Variants in SLC9A9 observed in about 807,000 individuals in gnomAD.
SLC9A9 encodes the protein sodium/hydrogen exchanger 9.
Under a neutral mutation model 77.8 loss-of-function variants are expected in SLC9A9, and 62 were observed. The observed-to-expected ratio is 0.80, with a 90% CI of 0.65 to 0.98. SLC9A9 has a LOEUF of 0.98. Among genes scored for constraint, SLC9A9 ranks in the 50% least tolerant of loss-of-function variants. SLC9A9 has a pLI of 0.00. For synonymous variants in SLC9A9, 320 were observed against 283.5 expected (o/e 1.13, Z -1.29); for missense variants, 775 against 774.9 (o/e 1.00, Z 0.00).
At chr3:143,569,818 T>C (rs71307947) in intron 8 of SLC9A9, among the ~76,000 whole-genome samples, 5 of 147,250 alleles carry the variant, frequency 3.4e-5, no homozygotes, top group Admixed American at 1.4e-4. Flanking sequence ...TTTTTTCTTT[T>C]TTTTTTTTTT....
chr3:143,673,149 C>T (rs1007857715), intron 5 of SLC9A9, among the ~76,000 whole-genome samples: 2 of 152,174 alleles, frequency 1.3e-5, no homozygotes, highest in Admixed American at 6.5e-5. Flanking sequence ...TTGGAAGACT[C>T]TTATTTCCTC....
rs73154719 is a variant in SLC9A9, at chr3:143,746,861, T to A, written c.533+48140A>T. Among the ~76,000 whole-genome samples, 1,090 of 152,232 alleles carry A rather than the reference T, an allele frequency of 7.2e-3. 15 individuals are homozygous for A. The highest frequency in any genetic ancestry group is 0.024 in the African/African-American group (1,016 of 41,534). Reference sequence around the variant, plus strand: ...TAGAAAAAGGTGACAAAATAAAAACTTTTTTCTCATCACTGATGGTATTCT... The same window carrying A: ...TAGAAAAAGGTGACAAAATAAAAACATTTTTCTCATCACTGATGGTATTCT... On this transcript the variant is annotated intron_variant, in intron 4 of 15. Transcript: ENST00000316549.
chr3:143,832,409 G>C (rs1229745127), intron 1 of SLC9A9, among the ~76,000 whole-genome samples, 188 bp from the exon 2 acceptor site: 3 of 152,216 alleles, frequency 2.0e-5, no homozygotes, highest in African/African-American at 7.2e-5. Context: ...TATTTGTAGT[G>C]AGCACCATTG....
At chr3:143,338,196 A>C (rs2031984416) in intron 14 of SLC9A9, among the ~76,000 whole-genome samples, 1 of 152,226 alleles carries the variant, frequency 6.6e-6, no homozygotes, top group African/African-American at 2.4e-5. Context: ...TTGCAATGTC[A>C]AAGTGTTATG....
chr3:143,273,207 T>C (rs1937946649), intron 14 of SLC9A9, among the ~76,000 whole-genome samples: 1 of 152,154 alleles, frequency 6.6e-6, no homozygotes, highest in South Asian at 2.1e-4. Flanking sequence ...ACGATCCAGC[T>C]CCACAAATGA....
chr3:143,415,573 T>C (rs1483849662), intron 12 of SLC9A9, among the ~76,000 whole-genome samples: 5 of 152,206 alleles, frequency 3.3e-5, no homozygotes, highest in Admixed American at 6.5e-5. Context: ...ACTGAACATT[T>C]TAAGCCCACT....
At chr3:143,721,109 T>C (rs924539847) in intron 4 of SLC9A9, among the ~76,000 whole-genome samples, 4 of 152,112 alleles carry the variant, frequency 2.6e-5, no homozygotes, top group African/African-American at 9.7e-5. Flanking sequence ...TCCCAGCTGC[T>C]TGGGAGGCAG....
intron 13 of SLC9A9, among the ~76,000 whole-genome samples, chr3:143,374,545 A>G (rs898561289): frequency 3.9e-5 from 6 of 151,958 alleles, no homozygotes; most frequent in Admixed American, 1.3e-4. Context: ...TCCAGTGAAA[A>G]GCATATTAAG....
intron 4 of SLC9A9, among the ~76,000 whole-genome samples, chr3:143,769,441 C>T (rs1455413844): frequency 1.3e-5 from 2 of 152,158 alleles, no homozygotes; most frequent in Non-Finnish European, 2.9e-5. Flanking sequence ...CCAGTCCAGT[C>T]TATTTAATGT....
At chr3:143,562,392 A>T (rs1282969676) in intron 8 of SLC9A9, among the ~76,000 whole-genome samples, 2 of 152,154 alleles carry the variant, frequency 1.3e-5, no homozygotes, top group Non-Finnish European at 1.5e-5. Context: ...CTTCAGTAAG[A>T]GCAAAGGGAG....
At chr3:143,741,277 C>CA (rs1271551278) in intron 4 of SLC9A9, among the ~76,000 whole-genome samples, 1 of 151,950 alleles carries the variant, frequency 6.6e-6, no homozygotes, top group Non-Finnish European at 1.5e-5. Context: ...ACTCTCCCCC[C>CA]AAAAAATCAC....
At chr3:143,601,904 C>T (rs2037850811) in intron 6 of SLC9A9, among the ~76,000 whole-genome samples, 1 of 151,818 alleles carries the variant, frequency 6.6e-6, no homozygotes. Context: ...CCCCTCTACC[C>T]TCACTGTTCC....
chr3:143,721,310 C>T (rs1934493106), intron 4 of SLC9A9, among the ~76,000 whole-genome samples: 1 of 152,178 alleles, frequency 6.6e-6, no homozygotes, highest in Non-Finnish European at 1.5e-5. Flanking sequence ...CAGGCCAGGT[C>T]CTCACAGCAT....
intron 6 of SLC9A9, among the ~76,000 whole-genome samples, chr3:143,606,436 C>CTCTCTATATATA (rs1419410834): frequency 0.02 from 1,088 of 54,094 alleles, 20 homozygotes; most frequent in Admixed American, 0.027. Context: ...CTCTCTCTCT[C>CTCTCTATATATA]TATATATATA....
chr3:143,643,924 T>G (rs1406443853), intron 6 of SLC9A9, among the ~76,000 whole-genome samples: 1 of 151,090 alleles, frequency 6.6e-6, no homozygotes, highest in Non-Finnish European at 1.5e-5. Flanking sequence ...GCAAACAGAG[T>G]CTTTGTGACT....
At chr3:143,273,412 G>A (rs1210428640) in intron 14 of SLC9A9, among the ~76,000 whole-genome samples, 4 of 152,126 alleles carry the variant, frequency 2.6e-5, no homozygotes, top group African/African-American at 9.7e-5. Flanking sequence ...AGAGATGCTA[G>A]GGAGTTTGTT....
chr3:143,815,550 A>ATTTTT (rs1559811120), intron 2 of SLC9A9, among the ~76,000 whole-genome samples: 29 of 34,572 alleles, frequency 8.4e-4, no homozygotes, highest in Non-Finnish European at 7.6e-4. Context: ...CTATTTTAAA[A>ATTTTT]AAAAAAAAAG....
intron 2 of SLC9A9, among the ~76,000 whole-genome samples, chr3:143,812,402 C>T (rs1254324654): frequency 6.6e-6 from 1 of 152,146 alleles, no homozygotes; most frequent in African/African-American, 2.4e-5. Flanking sequence ...ATAAAACGCG[C>T]CTGTTAAAAA....
At chr3:143,379,032 T>C (rs559813120) in intron 13 of SLC9A9, among the ~76,000 whole-genome samples, 3 of 150,676 alleles carry the variant, frequency 2.0e-5, no homozygotes, top group South Asian at 4.2e-4. Context: ...ATATATATAA[T>C]TTTAAATATA....
Sources: gnomAD v4.1 joint callset for allele counts (sites outside exome capture counted in the v4.1 genomes callset) on GRCh38, gnomAD v4.1.1 for gene constraint, MANE v1.5 for transcripts, NCBI Gene and HGNC (gene_info 2026-07-23, HGNC 2026-07-21) for gene names.